Variants in MGMT observed in about 807,000 individuals in gnomAD.
MGMT encodes the protein O-6-methylguanine-DNA methyltransferase.
In MGMT, 14 loss-of-function variants were observed where a neutral mutation model predicts 15.9. The observed-to-expected ratio is 0.88, with a 90% CI of 0.58 to 1.37. The LOEUF (loss-of-function observed/expected upper bound fraction) is 1.37. MGMT is among the 40% of genes most tolerant of loss of function. MGMT has a pLI of 0.00. For missense variants in MGMT, 282 were observed against 268.1 expected (o/e 1.05, Z -0.36); for synonymous variants, 130 against 118.2 (o/e 1.10, Z -0.65).
chr10:129,706,785 C>G (rs1354124641), intron 2 of MGMT, among the ~76,000 whole-genome samples: 2 of 152,146 alleles, frequency 1.3e-5, no homozygotes, highest in South Asian at 4.1e-4. Flanking sequence ...GTCCTCAGTC[C>G]GTGGAACACA....
intron 1 of MGMT, among the ~76,000 whole-genome samples, chr10:129,522,890 G>A (rs1845828970): frequency 6.6e-6 from 1 of 152,216 alleles, no homozygotes; most frequent in Non-Finnish European, 1.5e-5. Context: ...AATTGAGAAA[G>A]TTGATGTTTC....
In MGMT at chr10:129,467,897, T is replaced by C. The variant is rs143984294; in HGVS notation, c.-13+601T>C. Among the ~76,000 whole-genome samples the C allele has an allele frequency of 4.6e-5, 7 of 152,296 alleles. No individual in the cohort carries two copies. In the East Asian group the frequency reaches 1.4e-3, roughly 29 times the overall value. ...AACACCGCAGAGGAGTTCTGAACTA[T>C]GTATTTCGCACTCCTGGGTTCATCA... On this transcript the variant is annotated intron_variant, in intron 1 of 4. Transcript: ENST00000651593.
chr10:129,698,230 G>T (rs1229890567), intron 2 of MGMT, among the ~76,000 whole-genome samples: 1 of 152,182 alleles, frequency 6.6e-6, no homozygotes, highest in Non-Finnish European at 1.5e-5. Context: ...GCAGGCGGTT[G>T]CTACTCTGGG....
At chr10:129,695,958 C>G (rs1848026932) in intron 2 of MGMT, among the ~76,000 whole-genome samples, 1 of 152,202 alleles carries the variant, frequency 6.6e-6, no homozygotes, top group Admixed American at 6.5e-5. Flanking sequence ...GGGGTGACCA[C>G]TGGCTTCCAT....
At chr10:129,550,120 G>T (rs1162045533) in intron 2 of MGMT, among the ~76,000 whole-genome samples, 1 of 152,178 alleles carries the variant, frequency 6.6e-6, no homozygotes, top group African/African-American at 2.4e-5. Flanking sequence ...GTCACTTAAG[G>T]TTTCCTGCAT....
At position 129,489,460 on chromosome 10, in the gene MGMT, G is replaced by A. The variant is rs1033162670; in HGVS notation, c.-13+22164G>A. Among the ~76,000 whole-genome samples, 18 of 148,906 alleles carry A rather than the reference G, an allele frequency of 1.2e-4. No individual in the cohort carries two copies. In the Admixed American group the frequency reaches 1.2e-3, roughly 10 times the overall value. On this transcript the variant is annotated intron_variant, in intron 1 of 4. Transcript: ENST00000651593. ...GTTTCTTGATTCTTTTGGGGCCTTTGCTCATCCATTCGCATTTCACAATGA... is the reference window on the plus strand; with the variant it reads ...GTTTCTTGATTCTTTTGGGGCCTTTACTCATCCATTCGCATTTCACAATGA...
chr10:129,571,575 CAA>C (rs1160269242), intron 2 of MGMT, among the ~76,000 whole-genome samples: 30 of 152,094 alleles, frequency 2.0e-4, no homozygotes, highest in Admixed American at 2.0e-3. Flanking sequence ...ATGAAAAATT[CAA>C]AAGACTGAAA....
chr10:129,548,879 C>T (rs968536354), intron 2 of MGMT, among the ~76,000 whole-genome samples: 3 of 152,132 alleles, frequency 2.0e-5, no homozygotes, highest in Non-Finnish European at 4.4e-5. Context: ...AGGTCCAGGC[C>T]CTGCAGGATC....
intron 2 of MGMT, among the ~76,000 whole-genome samples, chr10:129,696,911 T>A (rs1264856833): frequency 6.6e-6 from 1 of 152,196 alleles, no homozygotes; most frequent in East Asian, 1.9e-4. Context: ...GGCCTTGCTT[T>A]GGAGGGTTGA....
chr10:129,631,592 G>A (rs933001250), intron 2 of MGMT, among the ~76,000 whole-genome samples: 1 of 152,224 alleles, frequency 6.6e-6, no homozygotes, highest in African/African-American at 2.4e-5. Flanking sequence ...GTAGGCCAAG[G>A]TGGGCAGATC....
chr10:129,493,754 C>T (rs1042205617), intron 1 of MGMT, among the ~76,000 whole-genome samples: 1 of 152,112 alleles, frequency 6.6e-6, no homozygotes, highest in Non-Finnish European at 1.5e-5. Context: ...ACAACTTGCT[C>T]ACTAATATTT....
intron 2 of MGMT, among the ~76,000 whole-genome samples, chr10:129,595,429 C>A (rs957080027): frequency 6.6e-6 from 1 of 152,162 alleles, no homozygotes; most frequent in East Asian, 1.9e-4. Context: ...GGTGACCTGG[C>A]GTCCATCCTG....
At position 129,472,451 on chromosome 10, in the gene MGMT, G is replaced by A. The variant is rs139697783; in HGVS notation, c.-13+5155G>A. Reference sequence around the variant, plus strand: ...CGGAAGGATGAAACGAGAAGACGGCGAAGAACCATTTCGAGCCCTCGTTTT... The same window carrying A: ...CGGAAGGATGAAACGAGAAGACGGCAAAGAACCATTTCGAGCCCTCGTTTT... On this transcript the variant is annotated intron_variant, in intron 1 of 4. Transcript: ENST00000651593. Among the ~76,000 whole-genome samples, 684 of 152,142 alleles carry A rather than the reference G, an allele frequency of 4.5e-3. 16 individuals are homozygous for A. The highest frequency in any genetic ancestry group is 0.017 in the East Asian group (90 of 5,178).
chr10:129,766,603 G>A (rs1057037237), intron 4 of MGMT, among the ~76,000 whole-genome samples, 185 bp from the exon 5 acceptor site: 1 of 152,170 alleles, frequency 6.6e-6, no homozygotes, highest in Admixed American at 6.5e-5. Flanking sequence ...GGGACTCAAG[G>A]GCCTCAGGGG....
intron 2 of MGMT, among the ~76,000 whole-genome samples, chr10:129,646,719 A>AATATATACATATATATATATAT (rs1847393057): frequency 2.4e-5 from 2 of 81,712 alleles, no homozygotes; most frequent in African/African-American, 9.5e-5. Flanking sequence ...GCCCATCAGA[A>AATATATACATATATATATATAT]ATATATATAT....
intron 1 of MGMT, among the ~76,000 whole-genome samples, chr10:129,499,653 C>T (rs914441100): frequency 3.3e-5 from 5 of 152,124 alleles, no homozygotes; most frequent in African/African-American, 9.7e-5. Context: ...AAAATTCATT[C>T]GATGAACCTA....
intron 1 of MGMT, among the ~76,000 whole-genome samples, chr10:129,494,570 C>G (rs1380265806): frequency 6.6e-6 from 1 of 152,222 alleles, no homozygotes; most frequent in African/African-American, 2.4e-5. Context: ...TGTTCTGTGT[C>G]TCTGCTGCCC....
Position 129,473,778 on chromosome 10 carries a change from C to G in MGMT, c.-13+6482C>G, listed in dbSNP as rs566611132. ...GTATTCCTGCTTGAAGGCGTTGAGC[C>G]GTAGCTGAGGCTGGGTGCAGTGAGG... is the stretch of plus-strand genomic sequence containing the variant. On this transcript the variant is annotated intron_variant, in intron 1 of 4. Coordinates refer to ENST00000651593, the MANE Select transcript of MGMT (RefSeq NM_002412.5). Among the ~76,000 whole-genome samples, 161 of 152,322 alleles carry G rather than the reference C, an allele frequency of 1.1e-3. 1 individual carries two copies. The highest frequency in any genetic ancestry group is 2.1e-3 in the Non-Finnish European group (146 of 68,018).
At chr10:129,763,468 C>T (rs764176018) in intron 4 of MGMT, among the ~76,000 whole-genome samples, 6 of 152,136 alleles carry the variant, frequency 3.9e-5, no homozygotes, top group Non-Finnish European at 8.8e-5. Context: ...TCACAGCTGT[C>T]GGGGTCATTG....
Sources: allele counts gnomAD v4.1 joint callset (sites outside exome capture counted in the v4.1 genomes callset), GRCh38; gene constraint gnomAD v4.1.1; transcripts MANE v1.5; gene names NCBI Gene and HGNC (gene_info 2026-07-23, HGNC 2026-07-21).